Variants in FHIT observed in about 807,000 individuals in gnomAD.
FHIT encodes the protein bis(5'-adenosyl)-triphosphatase.
A neutral mutation model predicts 17.9 loss-of-function variants in FHIT; 19 were observed. The ratio of observed to expected loss-of-function variants is 1.06; its 90% CI spans 0.74 to 1.56. The LOEUF is 1.56. Ranked by LOEUF, FHIT falls within the 40% of genes most tolerant of loss-of-function variation. The pLI is 0.00. For missense variants in FHIT, 248 were observed against 189.2 expected (o/e 1.31, Z -1.82); for synonymous variants, 81 against 69.7 (o/e 1.16, Z -0.81).
intron 8 of FHIT, among the ~76,000 whole-genome samples, chr3:59,873,731 G>A (rs369025748): frequency 2.0e-5 from 3 of 152,214 alleles, no homozygotes; most frequent in African/African-American, 7.2e-5. Context: ...GGGGAGAAGA[G>A]TCGAAAAGAA....
intron 4 of FHIT, chr3:60,690,293 C>T (rs1577072496): frequency 1.8e-6 from 1 of 556,708 alleles, no homozygotes; most frequent in East Asian, 4.6e-5. Context: ...ACAAAGCGCT[C>T]CATGGCCTCC....
intron 7 of FHIT, among the ~76,000 whole-genome samples, chr3:59,988,189 A>C (rs927930467): frequency 2.6e-5 from 4 of 152,130 alleles, no homozygotes; most frequent in Non-Finnish European, 5.9e-5. Flanking sequence ...GAGATACTGC[A>C]GGTCACCTTC....
At chr3:61,140,056 C>G (rs2037036040) in intron 2 of FHIT, among the ~76,000 whole-genome samples, 1 of 150,890 alleles carries the variant, frequency 6.6e-6, no homozygotes, top group Non-Finnish European at 1.5e-5. Flanking sequence ...CAATGAGAGG[C>G]ATTAAAGCAT....
intron 3 of FHIT, among the ~76,000 whole-genome samples, chr3:61,006,082 A>ATTT (rs1158926314): frequency 2.5e-4 from 38 of 151,662 alleles, no homozygotes; most frequent in African/African-American, 8.7e-4. Context: ...GGTTTTTAAA[A>ATTT]AAAAAAAATT....
At chr3:60,766,820 A>T (rs1354653287) in intron 4 of FHIT, among the ~76,000 whole-genome samples, 1 of 152,238 alleles carries the variant, frequency 6.6e-6, no homozygotes, top group African/African-American at 2.4e-5. Flanking sequence ...TAGTAGGAAC[A>T]CAGAGATAAG....
intron 5 of FHIT, among the ~76,000 whole-genome samples, chr3:60,096,264 A>C (rs2107118683): frequency 6.6e-6 from 1 of 151,914 alleles, no homozygotes; most frequent in East Asian, 1.9e-4. Context: ...AACAGCTTTC[A>C]GCAGAGTGGG....
chr3:61,139,650 A>C (rs1183491938), intron 2 of FHIT, among the ~76,000 whole-genome samples: 2 of 152,318 alleles, frequency 1.3e-5, no homozygotes, highest in African/African-American at 4.8e-5. Context: ...ATGAATTTGA[A>C]TAGCAGAGTA....
At chr3:60,942,161 T>A (rs138741635) in intron 3 of FHIT, among the ~76,000 whole-genome samples, 2,106 of 152,330 alleles carry the variant, frequency 0.014, 27 homozygotes, top group South Asian at 0.037. Flanking sequence ...TTTTGTATTT[T>A]TTAGTAGAGA....
chr3:60,041,946 T>C (rs1363193591), intron 5 of FHIT, among the ~76,000 whole-genome samples: 1 of 152,254 alleles, frequency 6.6e-6, no homozygotes, highest in South Asian at 2.1e-4. Flanking sequence ...ATACTTTGTT[T>C]AGCTTTTTGG....
chr3:60,860,970 ATG>A (rs1488014778), intron 3 of FHIT, among the ~76,000 whole-genome samples: 15 of 99,698 alleles, frequency 1.5e-4, no homozygotes, highest in Non-Finnish European at 2.1e-4. Context: ...CGTATATATC[ATG>A]TATATATGAT....
rs115036043 is a variant in FHIT, at chr3:60,434,287, T to C, written c.103+102573A>G. Among the ~76,000 whole-genome samples, 817 of 152,232 alleles carry C rather than the reference T, an allele frequency of 5.4e-3. 9 individuals are homozygous for C. Among genetic ancestry groups the C allele is most frequent in the African/African-American group, 0.019 (780 of 41,554 alleles). On this transcript the variant is annotated intron_variant, in intron 5 of 9. Transcript: ENST00000492590. Reference sequence around the variant, plus strand: ...AAATATTTTCTCTTCCAAATCACTATTGACAGCAAAATCTCAAAGTAAATC... The same window carrying C: ...AAATATTTTCTCTTCCAAATCACTACTGACAGCAAAATCTCAAAGTAAATC...
At chr3:60,628,888 T>A (rs2107768165) in intron 4 of FHIT, among the ~76,000 whole-genome samples, 1 of 152,284 alleles carries the variant, frequency 6.6e-6, no homozygotes, top group South Asian at 2.1e-4. Flanking sequence ...GTAACACCTA[T>A]ACTTTCTGAG....
rs189461795 is a variant in FHIT, at chr3:60,203,746, T to C, written c.104-189594A>G. 5.6e-4 allele frequency among the ~76,000 whole-genome samples: 85 copies of C among 152,156 alleles called. 1 individual carries two copies. Among genetic ancestry groups the C allele is most frequent in the Admixed American group, 9.2e-4 (14 of 15,276 alleles). ...TTAGAAAAAAATGCAAGAGAGATGA[T>C]AGTTAATATCCACAAAAGGCAACAC... On this transcript the variant is annotated intron_variant, in intron 5 of 9. Transcript: ENST00000492590.
At chr3:59,959,549 G>A (rs193167483) in intron 7 of FHIT, among the ~76,000 whole-genome samples, 9 of 152,232 alleles carry the variant, frequency 5.9e-5, no homozygotes, top group Non-Finnish European at 1.2e-4. Flanking sequence ...CAGGAAACTC[G>A]GGTTATTCAT....
intron 5 of FHIT, among the ~76,000 whole-genome samples, chr3:60,464,650 A>G (rs1425180825): frequency 6.6e-6 from 1 of 152,118 alleles, no homozygotes; most frequent in Non-Finnish European, 1.5e-5. Flanking sequence ...ACTTAACACA[A>G]TGACCTCCAG....
chr3:60,590,066 T>C (rs2038035011), intron 4 of FHIT, among the ~76,000 whole-genome samples: 1 of 152,072 alleles, frequency 6.6e-6, no homozygotes, highest in Admixed American at 6.6e-5. Flanking sequence ...TTAATTTTAC[T>C]CTTCCAAGTT....
rs142413352 is a variant in FHIT at position 60,950,231 on chromosome 3, T to C, written c.-111+91816A>G. On this transcript the variant is annotated intron_variant, in intron 3 of 9. Transcript: ENST00000492590. Reference sequence around the variant, plus strand: ...GACTACACTATGCAGACATTGAAAATTAAGTGGTGGAATATTTAATAACAA... The same window carrying C: ...GACTACACTATGCAGACATTGAAAACTAAGTGGTGGAATATTTAATAACAA... Among the ~76,000 whole-genome samples the C allele has an allele frequency of 3.3e-5, 5 of 152,234 alleles. No homozygotes were observed. The East Asian group carries it at 9.6e-4, about 29-fold the overall frequency.
At chr3:60,788,802 C>T (rs2108114187) in intron 4 of FHIT, among the ~76,000 whole-genome samples, 1 of 152,122 alleles carries the variant, frequency 6.6e-6, no homozygotes, top group Non-Finnish European at 1.5e-5. Flanking sequence ...CTATCGTGTA[C>T]CTCAGGTAAA....
chr3:61,005,077 T>C (rs1361564407), intron 3 of FHIT, among the ~76,000 whole-genome samples: 1 of 152,190 alleles, frequency 6.6e-6, no homozygotes, highest in East Asian at 1.9e-4. Context: ...AAGCATTTGC[T>C]ATATATCCCA....
Sources: allele counts gnomAD v4.1 joint callset (sites outside exome capture counted in the v4.1 genomes callset), GRCh38; gene constraint gnomAD v4.1.1; transcripts MANE v1.5; gene names NCBI Gene and HGNC (gene_info 2026-07-23, HGNC 2026-07-21).